CNTN4: variants seen among roughly 807,000 people sequenced by gnomAD.
The protein encoded by CNTN4 is contactin-4.
A neutral mutation model predicts 122.5 loss-of-function variants in CNTN4; 77 were observed. The observed-to-expected ratio is 0.63, with a 90% CI of 0.52 to 0.76. The LOEUF (loss-of-function observed/expected upper bound fraction) is 0.76. CNTN4 is among the 30% of genes least tolerant of loss of function. The pLI, the probability that CNTN4 is intolerant of heterozygous loss-of-function variation, is 0.00. For missense variants in CNTN4, 1,256 were observed against 1,259.1 expected (o/e 1.00, Z 0.04); for synonymous variants, 512 against 447.0 (o/e 1.15, Z -1.83).
intron 2 of CNTN4, among the ~76,000 whole-genome samples, chr3:2,337,818 G>T (rs1178549): frequency 1.0e-3 from 156 of 152,120 alleles, no homozygotes; most frequent in African/African-American, 3.6e-3. Context: ...AACTTTGACC[G>T]ATGTCTGTAG....
chr3:2,620,443 T>G (rs942331544), intron 4 of CNTN4, among the ~76,000 whole-genome samples: 6 of 152,044 alleles, frequency 3.9e-5, no homozygotes, highest in Non-Finnish European at 7.4e-5. Flanking sequence ...GAGGCTGCAG[T>G]CAGCCATGAT....
At chr3:2,618,621 T>C (rs746430191) in intron 4 of CNTN4, among the ~76,000 whole-genome samples, 10 of 152,118 alleles carry the variant, frequency 6.6e-5, no homozygotes, top group African/African-American at 1.9e-4. Flanking sequence ...GTGCCCCAAA[T>C]AGTAGCACAG....
intron 7 of CNTN4, among the ~76,000 whole-genome samples, chr3:2,828,696 T>C (rs995289094): frequency 1.3e-5 from 2 of 152,154 alleles, no homozygotes; most frequent in Non-Finnish European, 2.9e-5. Flanking sequence ...ATCAACATCA[T>C]AGACTACTAG....
At chr3:2,673,129 A>G (rs549795463) in intron 4 of CNTN4, among the ~76,000 whole-genome samples, 1 of 152,288 alleles carries the variant, frequency 6.6e-6, no homozygotes, top group Admixed American at 6.5e-5. Flanking sequence ...TCTTAGATGG[A>G]AAATACGCAA....
chr3:2,628,623 G>A (rs949281713), intron 4 of CNTN4, among the ~76,000 whole-genome samples: 2 of 152,058 alleles, frequency 1.3e-5, no homozygotes, highest in South Asian at 2.1e-4. Flanking sequence ...TATCCGTGTC[G>A]GTGAAATGAG....
intron 2 of CNTN4, among the ~76,000 whole-genome samples, chr3:2,338,835 A>G (rs2044066045): frequency 6.6e-6 from 1 of 152,234 alleles, no homozygotes; most frequent in Non-Finnish European, 1.5e-5. Flanking sequence ...AATCCTTTTA[A>G]TGTACCCTCT....
At chr3:2,820,829 A>G (rs1448120823) in intron 7 of CNTN4, among the ~76,000 whole-genome samples, 3 of 151,906 alleles carry the variant, frequency 2.0e-5, no homozygotes, top group African/African-American at 7.3e-5. Flanking sequence ...CCTTGACCAT[A>G]GAATCTACGA....
intron 3 of CNTN4, among the ~76,000 whole-genome samples, chr3:2,416,753 C>A (rs6765333): frequency 0.92 from 139,684 of 152,078 alleles, 64,150 homozygotes; most frequent in East Asian, 0.98. Context: ...TCTCGGGTTC[C>A]CGCCATTCTC....
chr3:3,026,056 C>A, intron 14 of CNTN4, 46 bp from the exon 15 acceptor site: 1 of 1,558,650 alleles, frequency 6.4e-7, no homozygotes, highest in South Asian at 1.1e-5. Flanking sequence ...CACACAAGCT[C>A]ACAGACTTTG....
At chr3:2,525,171 C>T (rs1310146657) in intron 3 of CNTN4, among the ~76,000 whole-genome samples, 1 of 152,112 alleles carries the variant, frequency 6.6e-6, no homozygotes, top group Non-Finnish European at 1.5e-5. Context: ...ATGCAGCATG[C>T]ACTGTGGAAG....
rs80070179 is a variant in CNTN4, at chr3:2,709,454, A to G, written c.56-26761A>G. Among the ~76,000 whole-genome samples, 858 of 152,186 alleles carry G rather than the reference A, an allele frequency of 5.6e-3. 9 individuals carry two copies. Among genetic ancestry groups the G allele is most frequent in the African/African-American group, 0.019 (805 of 41,522 alleles). On this transcript the variant is annotated intron_variant, in intron 4 of 24. Coordinates refer to ENST00000418658, the MANE Select transcript of CNTN4 (RefSeq NM_175607.3). This position sits in a 1 kb window ranked among gnomAD's most constrained non-coding sequence, Gnocchi z 5.0. ...TTCCCTCAGGTGATCATCGTGTGCAATGGGGGATGGGAACTACTGAAACCT... is the reference window on the plus strand; with the variant it reads ...TTCCCTCAGGTGATCATCGTGTGCAGTGGGGGATGGGAACTACTGAAACCT...
chr3:2,103,946 G>C (rs1372771967), intron 2 of CNTN4, among the ~76,000 whole-genome samples: 1 of 152,160 alleles, frequency 6.6e-6, no homozygotes, highest in Non-Finnish European at 1.5e-5. Context: ...TCAATAGTAA[G>C]CGTATACTTT....
At chr3:2,789,933 A>G (rs1368480039) in intron 6 of CNTN4, among the ~76,000 whole-genome samples, 1 of 152,200 alleles carries the variant, frequency 6.6e-6, no homozygotes, top group African/African-American at 2.4e-5. Flanking sequence ...GTGTTTAGCC[A>G]TTTAGTAGAG....
At chr3:2,276,073 A>T (rs1395379352) in intron 2 of CNTN4, among the ~76,000 whole-genome samples, 4 of 152,136 alleles carry the variant, frequency 2.6e-5, no homozygotes, top group Non-Finnish European at 5.9e-5. Flanking sequence ...TTATATATTG[A>T]AAAAACGTAT....
intron 6 of CNTN4, among the ~76,000 whole-genome samples, chr3:2,764,472 G>A (rs1387684520): frequency 6.6e-6 from 1 of 152,198 alleles, no homozygotes; most frequent in East Asian, 1.9e-4. Flanking sequence ...ACCTGCCTGT[G>A]TGGCTGGAGG....
intron 4 of CNTN4, among the ~76,000 whole-genome samples, chr3:2,599,686 G>C (rs555158900): frequency 4.1e-4 from 63 of 152,280 alleles, no homozygotes; most frequent in African/African-American, 1.5e-3. Flanking sequence ...GTTTGTAATG[G>C]CAGAGAATCC....
chr3:2,573,090 C>T (rs988097379), intron 4 of CNTN4, among the ~76,000 whole-genome samples: 3 of 152,122 alleles, frequency 2.0e-5, no homozygotes, highest in Admixed American at 6.6e-5. Context: ...AGTAAGTGGT[C>T]GAGCTAAGAT....
intron 4 of CNTN4, among the ~76,000 whole-genome samples, chr3:2,728,333 A>G (rs1286318183): frequency 6.6e-6 from 1 of 152,166 alleles, no homozygotes; most frequent in Non-Finnish European, 1.5e-5. Flanking sequence ...ATCATTAGGA[A>G]GCCTGGAGGA....
intron 4 of CNTN4, among the ~76,000 whole-genome samples, chr3:2,616,309 C>T (rs2081735356): frequency 6.6e-6 from 1 of 152,130 alleles, no homozygotes; most frequent in Admixed American, 6.6e-5. Flanking sequence ...TCCATGATCT[C>T]ATTCCTTTTT....
Sources: allele counts gnomAD v4.1 joint callset (sites outside exome capture counted in the v4.1 genomes callset), GRCh38; gene constraint gnomAD v4.1.1; non-coding constraint Gnocchi (gnomAD v3.1); transcripts MANE v1.5; gene names NCBI Gene and HGNC (gene_info 2026-07-23, HGNC 2026-07-21).